Variants in CHIC2 observed in about 807,000 individuals in gnomAD.
CHIC2 encodes the protein cysteine-rich hydrophobic domain-containing protein 2.
In CHIC2, 14 loss-of-function variants were observed where a neutral mutation model predicts 25.9. The observed-to-expected ratio is 0.54, with a 90% CI of 0.36 to 0.85. The LOEUF is 0.85. Ranked by LOEUF, CHIC2 falls within the 40% of genes least tolerant of loss-of-function variation. CHIC2 has a pLI of 0.01. For missense variants in CHIC2, 146 were observed against 202.0 expected, an observed-to-expected ratio of 0.72 and a Z score of 1.68; for synonymous variants, 70 against 72.0, an observed-to-expected ratio of 0.97 and a Z score of 0.14.
the CHIC2 span, among the ~76,000 whole-genome samples, chr4:54,086,203 C>T: frequency 6.6e-6 from 1 of 151,938 alleles, no homozygotes; most frequent in Non-Finnish European, 1.5e-5. Flanking sequence ...GAAGCTTCCA[C>T]TAGGCCTTTG....
At chr4:54,058,463 A>G (rs1367505897) in intron 1 of CHIC2, among the ~76,000 whole-genome samples, 2 of 152,052 alleles carry the variant, frequency 1.3e-5, no homozygotes, top group Non-Finnish European at 2.9e-5. Flanking sequence ...ATAGAATCAC[A>G]TAACACTCCT....
the CHIC2 span, among the ~76,000 whole-genome samples, chr4:54,073,822 G>C: frequency 1.3e-5 from 2 of 152,152 alleles, no homozygotes; most frequent in African/African-American, 4.8e-5. Flanking sequence ...AGAAACAGTA[G>C]AAAGACAAAG....
chr4:54,072,110 T>C, the CHIC2 span, among the ~76,000 whole-genome samples: 418 of 152,006 alleles, frequency 2.7e-3, 1 homozygote, highest in African/African-American at 8.5e-3. Context: ...CTGGCCAACA[T>C]GGTGAAACTC....
At chr4:54,045,972 G>T (rs1424433380) in intron 3 of CHIC2, among the ~76,000 whole-genome samples, 81 of 142,990 alleles carry the variant, frequency 5.7e-4, no homozygotes, top group Admixed American at 1.1e-3. Flanking sequence ...CAAAATCAAG[G>T]TGCAAAAATC....
At chr4:54,079,807 T>A in the CHIC2 span, among the ~76,000 whole-genome samples, 18 of 151,952 alleles carry the variant, frequency 1.2e-4, no homozygotes, top group Admixed American at 9.8e-4. Flanking sequence ...AAAATAAAAA[T>A]TTTTTAAAAT....
At chr4:54,033,059 G>A (rs61672502) in intron 3 of CHIC2, among the ~76,000 whole-genome samples, 2,997 of 152,076 alleles carry the variant, frequency 0.02, 90 homozygotes, top group African/African-American at 0.066. Context: ...CCTTTTCATC[G>A]TCCACCATGA....
chr4:54,084,679 C>T, the CHIC2 span, among the ~76,000 whole-genome samples: 1 of 152,134 alleles, frequency 6.6e-6, no homozygotes, highest in Admixed American at 6.5e-5. Context: ...GTGGCTTACA[C>T]CTGTAATCCC....
In CHIC2 at chr4:54,064,546, G is replaced by A. The variant is rs1717452320; in HGVS notation, c.-246C>T. On this transcript the variant is annotated 5_prime_UTR_variant, in exon 1 of 6. Coordinates refer to ENST00000263921, the MANE Select transcript of CHIC2 (RefSeq NM_012110.4). This position sits in a 1 kb window ranked among gnomAD's most constrained non-coding sequence, Gnocchi z 4.2. ...CAATGTCAACATCCGCCCAGAGGCCGACACCTCCACAAGCACAGACGCCGC... is the reference window on the plus strand; with the variant it reads ...CAATGTCAACATCCGCCCAGAGGCCAACACCTCCACAAGCACAGACGCCGC... 14 of 1,349,330 alleles carry A rather than the reference G, an allele frequency of 1.0e-5. No individual in the cohort carries two copies. In the East Asian group the frequency reaches 2.8e-4, roughly 27 times the overall value. 83.6% of individuals were successfully genotyped at this position (1,349,330 alleles called of 1,614,324 possible). A position where few individuals can be genotyped will look rare whatever the true frequency, so the allele number is the denominator to read the frequency against.
chr4:54,064,234 G>A lies in CHIC2; in HGVS notation c.67C>T (p.Leu23Phe), dbSNP rs2110097356. 6.2e-7 allele frequency: 1 copy of A among 1,609,446 alleles called. No homozygotes were observed. The highest frequency in any genetic ancestry group is 8.5e-7 in the Non-Finnish European group (1 of 1,178,030). Residue 23 changes from leucine (L) to phenylalanine (F), a missense_variant, in exon 1 of 6, where the codon CTC becomes TTC. Transcript: ENST00000263921. This position sits in a 1 kb window ranked among gnomAD's most constrained non-coding sequence, Gnocchi z 4.2. ...ACCACCGGGTCCGGCGAGTACTTGA[G>A]CAGCTGCTCCTCCAGGGCCCGCTCC... ...DEERALEEQL[L>F]KYSPDPVVVR...
chr4:54,072,279 G>A, the CHIC2 span, among the ~76,000 whole-genome samples: 2 of 151,338 alleles, frequency 1.3e-5, no homozygotes, highest in Admixed American at 1.3e-4. Flanking sequence ...TCCAGCCTGG[G>A]CGACAGAGCA....
At chr4:54,034,385 C>G (rs956244261) in intron 3 of CHIC2, among the ~76,000 whole-genome samples, 1 of 147,428 alleles carries the variant, frequency 6.8e-6, no homozygotes, top group African/African-American at 2.6e-5. Context: ...GCCTGGGCAA[C>G]AAGAGCAAAA....
intron 3 of CHIC2, among the ~76,000 whole-genome samples, chr4:54,024,609 A>G (rs185942654): frequency 3.0e-4 from 46 of 152,298 alleles, no homozygotes; most frequent in Non-Finnish European, 5.7e-4. Context: ...GGGACTCCGT[A>G]TATTTTTAAA....
rs550340915 is a variant in CHIC2 at position 54,022,780 on chromosome 4, G to A, written c.331-8661C>T. On this transcript the variant is annotated intron_variant, in intron 3 of 5. Transcript: ENST00000263921. ...ATTAAAACCTAATCACCCTTACCCCGCTCAATGCCAATATCCCATCCCACA... is the reference window on the plus strand; with the variant it reads ...ATTAAAACCTAATCACCCTTACCCCACTCAATGCCAATATCCCATCCCACA... 1.6e-4 allele frequency among the ~76,000 whole-genome samples: 25 copies of A among 151,884 alleles called. No individual in the cohort carries two copies. The South Asian group carries it at 2.1e-3, about 13-fold the overall frequency.
intron 3 of CHIC2, among the ~76,000 whole-genome samples, chr4:54,040,491 A>G (rs1176043646): frequency 6.6e-6 from 1 of 152,092 alleles, no homozygotes; most frequent in African/African-American, 2.4e-5. Context: ...ACCTGAGGTC[A>G]GGAGTTCAAG....
the CHIC2 span, among the ~76,000 whole-genome samples, chr4:54,082,281 T>C: frequency 3.3e-5 from 5 of 152,356 alleles, no homozygotes; most frequent in East Asian, 9.6e-4. Context: ...ACAAACATCC[T>C]GTGATCTGTC....
At chr4:54,085,968 T>C in the CHIC2 span, among the ~76,000 whole-genome samples, 5 of 152,048 alleles carry the variant, frequency 3.3e-5, no homozygotes, top group African/African-American at 1.2e-4. Flanking sequence ...CAAAAAGTCC[T>C]ATCTAGCTTA....
At chr4:54,087,054 C>T in the CHIC2 span, 1 of 1,134,440 alleles carries the variant, frequency 8.8e-7, no homozygotes, top group Non-Finnish European at 1.3e-6. Context: ...GGCAGCTGGT[C>T]CACAGCAGAA....
At chr4:54,063,312 T>C (rs1056463854) in intron 1 of CHIC2, among the ~76,000 whole-genome samples, 47 of 152,364 alleles carry the variant, frequency 3.1e-4, no homozygotes, top group African/African-American at 9.9e-4. Flanking sequence ...ATCAATGTAA[T>C]ACATCAAGTG....
the CHIC2 span, among the ~76,000 whole-genome samples, chr4:54,072,814 G>A: frequency 5.3e-5 from 8 of 152,006 alleles, no homozygotes; most frequent in South Asian, 2.1e-4. Context: ...GGCTCATGCC[G>A]GTAATCCCAG....
Sources: gnomAD v4.1 joint callset for allele counts (sites outside exome capture counted in the v4.1 genomes callset) on GRCh38, gnomAD v4.1.1 for gene constraint, Gnocchi (gnomAD v3.1) non-coding constraint, MANE v1.5 for transcripts, NCBI Gene and HGNC (gene_info 2026-07-23, HGNC 2026-07-21) for gene names.